The following TMEM114 variants were observed in gnomAD, a reference collection of about 807,000 sequenced individuals.
TMEM114 encodes the protein transmembrane protein 114.
TMEM114 carries 6 observed loss-of-function variants against 6.2 expected under a neutral mutation model. That is an observed-to-expected ratio of 0.97 (90% CI 0.53 to 1.91). TMEM114 has a LOEUF of 1.91. TMEM114 is among the 40% of genes most tolerant of loss of function. TMEM114 has a pLI of 0.01. For synonymous variants in TMEM114, 104 were observed against 73.0 expected (o/e 1.42, Z -2.16); for missense variants, 218 against 158.3 (o/e 1.38, Z -2.02).
At chr16:8,560,704 C>T (rs1451457522) in intron 2 of TMEM114, among the ~76,000 whole-genome samples, 2 of 152,138 alleles carry the variant, frequency 1.3e-5, no homozygotes, top group African/African-American at 4.8e-5. Flanking sequence ...TCATTCAGGG[C>T]ATGAGAACAT....
chr16:8,582,018 C>T (rs1195360020), intron 2 of TMEM114, among the ~76,000 whole-genome samples: 1 of 152,218 alleles, frequency 6.6e-6, no homozygotes, highest in East Asian at 1.9e-4. Flanking sequence ...TCCACTCTTG[C>T]AATTTGCACC....
At chr16:8,586,795 C>T (rs1051501926) in intron 2 of TMEM114, among the ~76,000 whole-genome samples, 1 of 152,190 alleles carries the variant, frequency 6.6e-6, no homozygotes, top group Non-Finnish European at 1.5e-5. Context: ...CAGACATGAG[C>T]CACCACGCCT....
intron 3 of TMEM114, among the ~76,000 whole-genome samples, chr16:8,571,668 G>T (rs1377746487): frequency 6.6e-6 from 1 of 151,648 alleles, no homozygotes; most frequent in Non-Finnish European, 1.5e-5. Context: ...AGATCATGAG[G>T]TGTTTGTCTT....
At chr16:8,553,886 T>C (rs1195176523) in intron 2 of TMEM114, among the ~76,000 whole-genome samples, 1 of 151,364 alleles carries the variant, frequency 6.6e-6, no homozygotes, top group African/African-American at 2.4e-5. Flanking sequence ...TTCTTTTTTT[T>C]TTTTTCTTTT....
At chr16:8,579,293 A>G (rs1465665173) in intron 2 of TMEM114, among the ~76,000 whole-genome samples, 5 of 152,196 alleles carry the variant, frequency 3.3e-5, no homozygotes, top group Admixed American at 1.3e-4. Context: ...AGGAACATCA[A>G]AAGCTCTGGC....
chr16:8,545,108 T>C (rs1408493693), intron 2 of TMEM114, among the ~76,000 whole-genome samples: 8 of 152,198 alleles, frequency 5.3e-5, no homozygotes, highest in Non-Finnish European at 1.0e-4. Flanking sequence ...CTTTTCTTTC[T>C]AGTTGTTCTC....
chr16:8,541,758 A>C (rs1021422435), intron 2 of TMEM114, among the ~76,000 whole-genome samples: 2 of 152,190 alleles, frequency 1.3e-5, no homozygotes, highest in Middle Eastern at 3.2e-3. Context: ...AACATAAGCC[A>C]CTATATTCCT....
At chr16:8,589,560 A>C in intron 1 of TMEM114, 59 bp downstream of exon 1, 1 of 398,510 alleles carries the variant, frequency 2.5e-6, no homozygotes. Context: ...CCAAGGGAGC[A>C]GGGCACCGCG....
intron 2 of TMEM114, among the ~76,000 whole-genome samples, chr16:8,547,599 G>C (rs939764983): frequency 3.9e-5 from 6 of 151,954 alleles, no homozygotes; most frequent in African/African-American, 1.5e-4. Context: ...CACCATCTTG[G>C]CCAGACTGGT....
At chr16:8,570,262 C>T (rs905616515) in intron 3 of TMEM114, among the ~76,000 whole-genome samples, 4 of 152,236 alleles carry the variant, frequency 2.6e-5, no homozygotes, top group Admixed American at 2.0e-4. Flanking sequence ...AGTGATTCCA[C>T]AGCACCATAC....
rs1449889804 is a variant in TMEM114, at chr16:8,569,911, C to T, written c.534G>A (p.Leu178=). ...AGCCGAAGCTGATGTCCACCTGGTC[C>T]AGGAGGGCCTTCTCCTCCAAGAGAC... The part of the protein sequence containing the change: ...ALCLLEEKAL[L]DQVDISFGWS... The change falls in exon 4 of 4, where the codon CTG becomes CTA. Residue 178 remains leucine, a synonymous_variant. Coordinates refer to ENST00000620492, the MANE Select transcript of TMEM114 (RefSeq NM_001146336.2). The T allele has an allele frequency of 6.4e-7, 1 of 1,551,222 alleles. No homozygotes were observed. Among genetic ancestry groups the T allele is most frequent in the Non-Finnish European group, 8.7e-7 (1 of 1,146,960 alleles).
At chr16:8,585,618 A>G (rs1482389492) in intron 2 of TMEM114, among the ~76,000 whole-genome samples, 3 of 151,064 alleles carry the variant, frequency 2.0e-5, no homozygotes, top group African/African-American at 7.3e-5. Flanking sequence ...GAAGAAAAAG[A>G]CATTATGCGG....
At chr16:8,587,972 C>T (rs1359554906) in intron 2 of TMEM114, among the ~76,000 whole-genome samples, 1 of 151,762 alleles carries the variant, frequency 6.6e-6, no homozygotes, top group Non-Finnish European at 1.5e-5. Context: ...AACATAGTAA[C>T]TATGTTTCCT....
intron 2 of TMEM114, among the ~76,000 whole-genome samples, chr16:8,575,860 T>C (rs1901905053): frequency 6.6e-6 from 1 of 152,214 alleles, no homozygotes; most frequent in African/African-American, 2.4e-5. Context: ...AACCTTTTGG[T>C]AATGTGGAAA....
downstream of TMEM114, among the ~76,000 whole-genome samples, chr16:8,567,562 T>C (rs1404470573): frequency 1.3e-5 from 2 of 152,176 alleles, no homozygotes; most frequent in Non-Finnish European, 2.9e-5. Context: ...CTGAGCATCA[T>C]AGGATGCGAG....
Position 8,572,122 on chromosome 16 carries a change from A to C in TMEM114, c.404T>G (p.Leu135Arg). ...GAAGAGAATTCCAGTGAGCAGGAGG[A>C]GGAGGTAGGCTTGGAGGAGGAAGCT... ...FLSFLLQAYL[L>R]LLLTGILFLF... The change falls in exon 3 of 4, where the codon CTC becomes CGC. Residue 135 changes from leucine (L) to arginine (R), a missense_variant. Physicochemically the swap from Leu to Arg is moderately radical, Grantham distance 102. Coordinates refer to ENST00000620492, the MANE Select transcript of TMEM114 (RefSeq NM_001146336.2). 6.4e-7 allele frequency: 1 copy of C among 1,551,428 alleles called. No individual in the cohort carries two copies. Among genetic ancestry groups the C allele is most frequent in the East Asian group, 2.4e-5 (1 of 40,906 alleles).
chr16:8,571,028 G>A (rs1901716723), intron 3 of TMEM114, among the ~76,000 whole-genome samples: 1 of 152,048 alleles, frequency 6.6e-6, no homozygotes, highest in African/African-American at 2.4e-5. Flanking sequence ...AGTGGTTAGA[G>A]GAGATGAGAA....
chr16:8,527,782 A>T, the TMEM114 span, among the ~76,000 whole-genome samples: 1 of 152,214 alleles, frequency 6.6e-6, no homozygotes, highest in African/African-American at 2.4e-5. Flanking sequence ...CTAAATCCAC[A>T]CCATGACTCT....
At chr16:8,541,487 T>A (rs995319326) in intron 2 of TMEM114, among the ~76,000 whole-genome samples, 2 of 152,152 alleles carry the variant, frequency 1.3e-5, no homozygotes, top group Admixed American at 6.5e-5. Flanking sequence ...CGTCTGACCA[T>A]AAGGTTCAGG....
Sources: allele counts gnomAD v4.1 joint callset (sites outside exome capture counted in the v4.1 genomes callset), GRCh38; gene constraint gnomAD v4.1.1; transcripts MANE v1.5; gene names NCBI Gene and HGNC (gene_info 2026-07-23, HGNC 2026-07-21).